The following PGAP4 variants were observed in gnomAD, a reference collection of about 807,000 sequenced individuals.
PGAP4 encodes post-GPI attachment to proteins GalNAc transferase 4.
A neutral mutation model predicts 28.2 loss-of-function variants in PGAP4; 12 were observed. The ratio of observed to expected loss-of-function variants is 0.42; its 90% CI spans 0.27 to 0.69. The LOEUF (loss-of-function observed/expected upper bound fraction) is 0.69, where lower values mean the gene tolerates loss of function less well. Ranked by LOEUF, PGAP4 falls within the 30% of genes least tolerant of loss-of-function variation. The pLI is 0.22. For synonymous variants in PGAP4, 205 were observed against 211.8 expected, an observed-to-expected ratio of 0.97 and a Z score of 0.28; for missense variants, 425 against 513.5, an observed-to-expected ratio of 0.83 and a Z score of 1.67.
In PGAP4 at chr9:101,474,643, A is replaced by C. The variant is rs1009457975; in HGVS notation, c.*1238T>G. The C allele has an allele frequency of 2.0e-5, 3 of 152,234 alleles. No individual in the cohort carries two copies. The highest frequency in any genetic ancestry group is 1.3e-4 in the Admixed American group (2 of 15,290). 9.4% of individuals were successfully genotyped at this position (152,234 alleles called of 1,614,324 possible). On this transcript the variant is annotated 3_prime_UTR_variant, in exon 2 of 2. Coordinates refer to ENST00000374848, the MANE Select transcript of PGAP4 (RefSeq NM_032342.3). ...GTCTTTATTCTAGCAGGGCTTGGTC[A>C]TCTGGAATAGCTGGTACATAGGTGG...
Position 101,475,600 on chromosome 9 carries a change from A to G in PGAP4, c.*281T>C, listed in dbSNP as rs577767389. 1.6e-5 allele frequency: 7 copies of G among 428,540 alleles called. No individual in the cohort carries two copies. The East Asian group carries it at 2.8e-4, about 17-fold the overall frequency. The allele number at this position is 428,540 out of a possible 1,614,324, so 26.5% of individuals were successfully genotyped here. ...CAGAGCTTAAAAACAAATGGAGAAT[A>G]TAATCAGTGTTCAAATGCACCCTCA... On this transcript the variant is annotated 3_prime_UTR_variant, in exon 2 of 2. Transcript: ENST00000374848.
At chr9:101,498,146 A>G (rs1826768081) in intron 2 of PGAP4, among the ~76,000 whole-genome samples, 1 of 151,992 alleles carries the variant, frequency 6.6e-6, no homozygotes, top group Non-Finnish European at 1.5e-5. Context: ...GTTTTAGATG[A>G]GTTTAGATTT....
At chr9:101,503,530 T>A (rs1189371062) in intron 2 of PGAP4, among the ~76,000 whole-genome samples, 2 of 152,078 alleles carry the variant, frequency 1.3e-5, no homozygotes, top group Non-Finnish European at 2.9e-5. Context: ...TAATTTTATA[T>A]GATTATTGTT....
At chr9:101,477,920 C>G (rs951400321) in intron 1 of PGAP4, among the ~76,000 whole-genome samples, 2 of 148,656 alleles carry the variant, frequency 1.3e-5, no homozygotes, top group Admixed American at 6.7e-5. Flanking sequence ...AATGAGGGAG[C>G]GGGGGGGGAA....
At chr9:101,483,354 A>C (rs903718787) in intron 1 of PGAP4, among the ~76,000 whole-genome samples, 2 of 152,182 alleles carry the variant, frequency 1.3e-5, no homozygotes, top group African/African-American at 4.8e-5. Flanking sequence ...CACTGTTCTA[A>C]GCATCTCATC....
At chr9:101,528,520 C>A (rs902064318) in intron 2 of PGAP4, among the ~76,000 whole-genome samples, 2 of 152,018 alleles carry the variant, frequency 1.3e-5, no homozygotes, top group East Asian at 3.9e-4. Context: ...CATGCTGTAC[C>A]CCCATCCCCA....
intron 2 of PGAP4, among the ~76,000 whole-genome samples, chr9:101,504,032 G>A (rs1196826512): frequency 1.3e-5 from 2 of 151,078 alleles, no homozygotes; most frequent in Non-Finnish European, 3.0e-5. Context: ...TCCCCCAAAA[G>A]GCCAGTTTTT....
At position 101,486,310 on chromosome 9, in the gene PGAP4, G is replaced by T. The variant is rs1826612217; in HGVS notation, c.-78+639C>A. ...CAGTTTCCCACCCGTAGGCCGAGCTGACCGTCTCCATCGCTGCGCTCCTTC... is the reference window on the plus strand; with the variant it reads ...CAGTTTCCCACCCGTAGGCCGAGCTTACCGTCTCCATCGCTGCGCTCCTTC... On this transcript the variant is annotated intron_variant, in intron 1 of 1. Transcript: ENST00000374848. This position sits in a 1 kb window ranked among gnomAD's most constrained non-coding sequence, Gnocchi z 4.7. Among the ~76,000 whole-genome samples the T allele has an allele frequency of 6.6e-6, 1 of 152,228 alleles. No homozygotes were observed. Among genetic ancestry groups the T allele is most frequent in the Non-Finnish European group, 1.5e-5 (1 of 68,042 alleles).
intron 2 of PGAP4, among the ~76,000 whole-genome samples, chr9:101,521,084 G>C (rs146937827): frequency 4.3e-4 from 66 of 152,210 alleles, no homozygotes; most frequent in African/African-American, 1.5e-3. Flanking sequence ...GATCATGGTG[G>C]ATTATCTTTT....
chr9:101,495,870 T>C (rs1175577618), intron 2 of PGAP4, among the ~76,000 whole-genome samples: 1 of 151,038 alleles, frequency 6.6e-6, no homozygotes, highest in African/African-American at 2.4e-5. Flanking sequence ...AAAAACATCC[T>C]CCCATAGTGT....
chr9:101,499,198 C>G (rs897497059), intron 2 of PGAP4, among the ~76,000 whole-genome samples: 2 of 151,854 alleles, frequency 1.3e-5, no homozygotes, highest in African/African-American at 2.4e-5. Context: ...TAAACTAGAT[C>G]CCAAATAAAG....
intron 2 of PGAP4, among the ~76,000 whole-genome samples, chr9:101,493,162 G>C (rs1427719101): frequency 1.3e-5 from 2 of 151,414 alleles, no homozygotes; most frequent in Non-Finnish European, 2.9e-5. Flanking sequence ...GCTGAGGCAG[G>C]AGAATCACTT....
chr9:101,522,676 T>A (rs1826999097), intron 2 of PGAP4, among the ~76,000 whole-genome samples: 1 of 152,212 alleles, frequency 6.6e-6, no homozygotes, highest in Admixed American at 6.5e-5. Flanking sequence ...ATTCTGCAGT[T>A]CTGTATCTTT....
rs577482064 is a variant in PGAP4 at position 101,519,312 on chromosome 9, C to G, written c.-165+12036G>C. Reference sequence around the variant, plus strand: ...AGCTGGGATTACAGGTGCACACTGCCATGCCCAGCTAATTTTTTTGTATGT... The same window carrying G: ...AGCTGGGATTACAGGTGCACACTGCGATGCCCAGCTAATTTTTTTGTATGT... On this transcript the variant is annotated intron_variant, in intron 2 of 3. Transcript: ENST00000374851. 2.0e-5 allele frequency among the ~76,000 whole-genome samples: 3 copies of G among 152,264 alleles called. No homozygotes were observed. In the East Asian group the frequency reaches 5.8e-4, roughly 29 times the overall value.
chr9:101,485,830 T>G (rs1418111665), intron 1 of PGAP4, among the ~76,000 whole-genome samples: 1 of 152,190 alleles, frequency 6.6e-6, no homozygotes, highest in Non-Finnish European at 1.5e-5. Flanking sequence ...ATGTGTATCC[T>G]TACAACATTC....
intron 2 of PGAP4, among the ~76,000 whole-genome samples, chr9:101,521,470 C>G (rs556418435): frequency 7.8e-4 from 119 of 152,212 alleles, no homozygotes; most frequent in Non-Finnish European, 1.5e-3. Context: ...ATCTACCCAT[C>G]TTTTCTAGGT....
chr9:101,477,854 G>A (rs944219605), intron 1 of PGAP4, among the ~76,000 whole-genome samples: 14 of 152,122 alleles, frequency 9.2e-5, no homozygotes, highest in African/African-American at 3.4e-4. Context: ...AAACTCTAGA[G>A]CCCCAGGCTT....
chr9:101,476,627 T>C lies in PGAP4; in HGVS notation c.466A>G (p.Lys156Glu). ...VERSVSHFDA[K>E]LLSKYVPVAN... ...ACAGGGACATACTTGGAGAGCAACT[T>C]GGCATCAAAATGGCTCACACTACGC... The change falls in exon 2 of 2, where the codon AAG becomes GAG. Residue 156 changes from lysine to glutamate, a missense_variant. Coordinates refer to ENST00000374848, the MANE Select transcript of PGAP4 (RefSeq NM_032342.3). This position sits in a 1 kb window ranked among gnomAD's most constrained non-coding sequence, Gnocchi z 7.0. 6.2e-7 allele frequency: 1 copy of C among 1,614,174 alleles called. No homozygotes were observed. Among genetic ancestry groups the C allele is most frequent in the Non-Finnish European group, 8.5e-7 (1 of 1,180,042 alleles).
chr9:101,487,752 A>C (rs1826646986), upstream of PGAP4, among the ~76,000 whole-genome samples: 1 of 152,198 alleles, frequency 6.6e-6, no homozygotes, highest in Non-Finnish European at 1.5e-5. Context: ...ACAAGCTAAG[A>C]ATGTTTTTTG....
Sources: allele counts gnomAD v4.1 joint callset (sites outside exome capture counted in the v4.1 genomes callset), GRCh38; gene constraint gnomAD v4.1.1; non-coding constraint Gnocchi (gnomAD v3.1); transcripts MANE v1.5; gene names NCBI Gene and HGNC (gene_info 2026-07-23, HGNC 2026-07-21).